Variants in RAPGEF2 observed in about 807,000 individuals in gnomAD.
RAPGEF2 encodes Rap guanine nucleotide exchange factor 2.
Under a neutral mutation model 186.7 loss-of-function variants are expected in RAPGEF2, and 54 were observed. The observed-to-expected ratio is 0.29, with a 90% CI of 0.23 to 0.36. The LOEUF is 0.36. RAPGEF2 is among the 10% of genes least tolerant of loss of function. The pLI is 1.00. For missense variants in RAPGEF2, 1,532 were observed against 2,045.0 expected, an observed-to-expected ratio of 0.75 and a Z score of 4.84; for synonymous variants, 712 against 705.9, an observed-to-expected ratio of 1.01 and a Z score of -0.14.
Position 159,104,239 on chromosome 4 carries a change from C to G in RAPGEF2, c.69+8C>G, listed in dbSNP as rs1175437285. ...CCCGAAAGGACCCCCCAGGTGAGAA[C>G]GCGGCGGCCGCCTGCCCTTGGCCGG... On this transcript the variant is annotated splice_region_variant and intron_variant, in intron 1 of 29. Coordinates refer to ENST00000691494, the MANE Select transcript of RAPGEF2 (RefSeq NM_001394067.2). 1 of 1,139,334 alleles carries G rather than the reference C, an allele frequency of 8.8e-7. No homozygotes were observed. Among genetic ancestry groups the G allele is most frequent in the South Asian group, 1.5e-5 (1 of 67,808 alleles). The allele number at this position is 1,139,334 out of a possible 1,614,324, so 70.6% of individuals were successfully genotyped here. A position where few individuals can be genotyped will look rare whatever the true frequency, so the allele number is the denominator to read the frequency against.
At chr4:159,167,210 G>A (rs1179631142) in intron 1 of RAPGEF2, among the ~76,000 whole-genome samples, 2 of 152,210 alleles carry the variant, frequency 1.3e-5, no homozygotes, top group African/African-American at 4.8e-5. Flanking sequence ...GGAATAGCTG[G>A]GACACTGGTG....
At position 159,186,716 on chromosome 4, in the gene RAPGEF2, T is replaced by C; in HGVS notation, c.140+4T>C. On this transcript the variant is annotated splice_donor_region_variant and intron_variant, in intron 2 of 29. Transcript: ENST00000691494. The stretch of plus-strand genomic sequence containing the variant: ...ACTTGAGGGAGCATCAACTTAGGTA[T>C]GTCATTTTAATATTCAGTTAATCAT... 7.0e-7 allele frequency: 1 copy of C among 1,425,262 alleles called. No homozygotes were observed. Among genetic ancestry groups the C allele is most frequent in the Admixed American group, 2.1e-5 (1 of 46,846 alleles). 88.3% of individuals were successfully genotyped at this position (1,425,262 alleles called of 1,614,324 possible). A position where few individuals can be genotyped will look rare whatever the true frequency, so the allele number is the denominator to read the frequency against.
intron 8 of RAPGEF2, among the ~76,000 whole-genome samples, chr4:159,310,521 A>T (rs573844652): frequency 3.1e-4 from 47 of 152,148 alleles, no homozygotes; most frequent in East Asian, 1.7e-3. Flanking sequence ...GATTTTTTTT[A>T]AAAAATGTAA....
chr4:159,175,507 A>T (rs985026394), intron 1 of RAPGEF2, among the ~76,000 whole-genome samples: 1 of 152,172 alleles, frequency 6.6e-6, no homozygotes, highest in African/African-American at 2.4e-5. Flanking sequence ...GCTAAGGATG[A>T]TAGAAGTTAA....
At chr4:159,116,433 C>T (rs1317907119) in intron 1 of RAPGEF2, among the ~76,000 whole-genome samples, 3 of 152,154 alleles carry the variant, frequency 2.0e-5, no homozygotes, top group Admixed American at 2.0e-4. Flanking sequence ...CAGGAAACAA[C>T]AGATGCTGGT....
In RAPGEF2 at chr4:159,158,935, C is replaced by T. The variant is rs148686393; in HGVS notation, c.70-27707C>T. On this transcript the variant is annotated intron_variant, in intron 1 of 29. Transcript: ENST00000691494. ...TTTAAAATTGAAACAATAGCCGTAG[C>T]TGTATAAGGGCTAGCGTTTAAGTGT... 6.7e-3 allele frequency among the ~76,000 whole-genome samples: 1,022 copies of T among 152,238 alleles called. 6 individuals are homozygous for T. The highest frequency in any genetic ancestry group is 0.014 in the Middle Eastern group (4 of 294).
At chr4:159,128,942 GTGTATATATA>G (rs1464783626) in intron 1 of RAPGEF2, 133 of 141,014 alleles carry the variant, frequency 9.4e-4, no homozygotes, top group African/African-American at 3.3e-3. Context: ...GTGTGTGTGT[GTGTATATATA>G]TATATATATA....
intron 25 of RAPGEF2, among the ~76,000 whole-genome samples, chr4:159,348,286 A>ATGGATGGATG (rs1561330238): frequency 7.3e-6 from 1 of 136,254 alleles, no homozygotes; most frequent in African/African-American, 2.9e-5. Flanking sequence ...ATGGATGGAT[A>ATGGATGGATG]GATAGATAAA....
intron 1 of RAPGEF2, among the ~76,000 whole-genome samples, chr4:159,127,103 T>A (rs1320056369): frequency 6.6e-6 from 1 of 152,238 alleles, no homozygotes. Context: ...CTTGGCTCAC[T>A]ACAACCTCCG....
intron 11 of RAPGEF2, chr4:159,326,722 G>C (rs1381649796): frequency 6.6e-6 from 1 of 152,208 alleles, no homozygotes; most frequent in African/African-American, 2.4e-5. Context: ...AATTGGTAAT[G>C]GTTTTCCATT....
At chr4:159,267,586 C>T (rs1360788519) in intron 7 of RAPGEF2, among the ~76,000 whole-genome samples, 1 of 152,162 alleles carries the variant, frequency 6.6e-6, no homozygotes, top group Non-Finnish European at 1.5e-5. Flanking sequence ...GATTCACACG[C>T]TCTGCCCTGA....
At chr4:159,175,579 C>T (rs1180614295) in intron 1 of RAPGEF2, among the ~76,000 whole-genome samples, 1 of 152,130 alleles carries the variant, frequency 6.6e-6, no homozygotes, top group Non-Finnish European at 1.5e-5. Context: ...TCGTCAGGGA[C>T]ATAAAGAGAA....
chr4:159,330,004 C>G lies in RAPGEF2; in HGVS notation c.1296C>G (p.Val432=). Residue 432 remains valine, a synonymous_variant, in exon 12 of 30, where the codon GTC becomes GTG. Transcript: ENST00000691494. Reference sequence around the variant, plus strand: ...CTGGAACAAGAAAGGGACACATTGTCATCAAGGTAGGACACAGGACCACTC... The same window carrying G: ...CTGGAACAAGAAAGGGACACATTGTGATCAAGGTAGGACACAGGACCACTC... The part of the protein sequence containing the change: ...DRTGTRKGHI[V]IKGTSERLTM... 2.5e-6 allele frequency: 4 copies of G among 1,611,490 alleles called. No homozygotes were observed. Among genetic ancestry groups the G allele is most frequent in the Non-Finnish European group, 3.4e-6 (4 of 1,178,774 alleles).
At position 159,195,875 on chromosome 4, in the gene RAPGEF2, G is replaced by GTTTTT. The variant is rs34827512; in HGVS notation, c.197+2644_197+2648dup. On this transcript the variant is annotated intron_variant, in intron 3 of 29. Transcript: ENST00000691494. ...GATTACAGTGTCTTCAAACATACCT[G>GTTTTT]TTTTTTTTTTTTTTTTTTTTTTTTT... 5.7e-4 allele frequency among the ~76,000 whole-genome samples: 54 copies of GTTTTT among 94,228 alleles called. 2 individuals are homozygous for GTTTTT. The highest frequency in any genetic ancestry group is 8.9e-4 in the Non-Finnish European group (45 of 50,606). 61.8% of individuals were successfully genotyped at this position (94,228 alleles called of 152,430 possible). A position where few individuals can be genotyped will look rare whatever the true frequency, so the allele number is the denominator to read the frequency against.
At chr4:159,284,603 A>G (rs887894733) in intron 7 of RAPGEF2, among the ~76,000 whole-genome samples, 4 of 152,066 alleles carry the variant, frequency 2.6e-5, no homozygotes, top group East Asian at 1.9e-4. Flanking sequence ...TTTCATTCCA[A>G]TAGACACTTT....
rs373933103 is a variant in RAPGEF2 at position 159,350,199 on chromosome 4, C to T, written c.3775C>T (p.Arg1259Cys). 1.3e-5 allele frequency: 20 copies of T among 1,590,564 alleles called. No homozygotes were observed. Among genetic ancestry groups the T allele is most frequent in the South Asian group, 8.1e-5 (7 of 86,038 alleles). Residue 1259 changes from arginine (R) to cysteine (C), a missense_variant, in exon 26 of 30, where the codon CGT becomes TGT. This residue lies in a region of RAPGEF2 where 594 missense variants were observed against 608.5 expected (regional missense o/e 0.98). Transcript: ENST00000691494. ...LSLSEEGSLE[R>C]HKKQAEDTIS... ...TTTGTCTGAAGAAGGAAGTTTGGAA[C>T]GTCACAAGAAACAGGCTGAAGATAC...
intron 1 of RAPGEF2, among the ~76,000 whole-genome samples, chr4:159,181,098 A>G (rs747402121): frequency 2.6e-5 from 4 of 152,236 alleles, no homozygotes; most frequent in Non-Finnish European, 5.9e-5. Flanking sequence ...TGGCCCTTAT[A>G]CAACTGTGAA....
At chr4:159,209,951 G>A (rs1261854106) in intron 3 of RAPGEF2, among the ~76,000 whole-genome samples, 6 of 152,204 alleles carry the variant, frequency 3.9e-5, no homozygotes, top group Admixed American at 3.9e-4. Flanking sequence ...GCTATCTTTT[G>A]ATGAAAAGAT....
At position 159,293,894 on chromosome 4, in the gene RAPGEF2, A is replaced by G. The variant is rs1301021305; in HGVS notation, c.544-10448A>G. ...AAAGATCATGGAGGGTCTCATGTGT[A>G]AGGTTGTTATGAGTAAGATATAGAA... On this transcript the variant is annotated intron_variant, in intron 7 of 29. Coordinates refer to ENST00000691494, the MANE Select transcript of RAPGEF2 (RefSeq NM_001394067.2). 2.0e-5 allele frequency among the ~76,000 whole-genome samples: 3 copies of G among 152,190 alleles called. No individual in the cohort carries two copies. In the East Asian group the frequency reaches 5.8e-4, roughly 29 times the overall value.
Sources: allele counts gnomAD v4.1 joint callset (sites outside exome capture counted in the v4.1 genomes callset), GRCh38; gene constraint gnomAD v4.1.1; regional missense constraint gnomAD v4.1.1; transcripts MANE v1.5; gene names NCBI Gene and HGNC (gene_info 2026-07-23, HGNC 2026-07-21).